The following CA10 variants were observed in gnomAD, a reference collection of about 807,000 sequenced individuals.
The protein encoded by CA10 is carbonic anhydrase 10 (inactive).
Under a neutral mutation model 44.2 loss-of-function variants are expected in CA10, and 14 were observed. That is an observed-to-expected ratio of 0.32 (90% CI 0.21 to 0.50). CA10 has a LOEUF of 0.50. Among genes scored for constraint, CA10 ranks in the 20% least tolerant of loss-of-function variants. The probability of loss-of-function intolerance (pLI) is 0.99; values close to 1 mark genes in which losing one functional copy is unlikely to be tolerated. For missense variants in CA10, 350 were observed against 409.7 expected, an observed-to-expected ratio of 0.85 and a Z score of 1.26; for synonymous variants, 159 against 141.6, an observed-to-expected ratio of 1.12 and a Z score of -0.87.
chr17:51,742,022 T>G (rs1904481922), intron 4 of CA10, among the ~76,000 whole-genome samples: 1 of 152,196 alleles, frequency 6.6e-6, no homozygotes, highest in Non-Finnish European at 1.5e-5. Flanking sequence ...AAACCATTCT[T>G]AGCTCCTAGG....
At chr17:51,775,003 C>T (rs866990523) in intron 3 of CA10, among the ~76,000 whole-genome samples, 2 of 152,088 alleles carry the variant, frequency 1.3e-5, no homozygotes, top group South Asian at 4.2e-4. Flanking sequence ...AGCAGGTTCC[C>T]AGGCCTTGGG....
intron 4 of CA10, among the ~76,000 whole-genome samples, chr17:51,664,078 A>G (rs1013535094): frequency 3.3e-5 from 5 of 152,200 alleles, no homozygotes; most frequent in African/African-American, 1.2e-4. Flanking sequence ...TTTTTGTTAA[A>G]TATTAAGTCA....
chr17:51,801,741 G>GTA (rs1906941544), intron 3 of CA10, among the ~76,000 whole-genome samples: 2 of 152,134 alleles, frequency 1.3e-5, no homozygotes, highest in South Asian at 4.1e-4. Context: ...TTATAGTGCA[G>GTA]TAAGAAGAAG....
At chr17:52,086,675 C>A (rs894222734) in intron 1 of CA10, among the ~76,000 whole-genome samples, 1 of 152,296 alleles carries the variant, frequency 6.6e-6, no homozygotes, top group Middle Eastern at 3.4e-3. Context: ...GTTTTCCACT[C>A]CCTTAAAATG....
At chr17:52,009,659 A>G (rs1038153838) in intron 2 of CA10, among the ~76,000 whole-genome samples, 8 of 152,090 alleles carry the variant, frequency 5.3e-5, no homozygotes, top group South Asian at 4.1e-4. Context: ...TATAATTCTG[A>G]GATGTTTAAT....
chr17:51,736,355 A>C (rs1598018021), intron 4 of CA10, among the ~76,000 whole-genome samples: 2 of 152,200 alleles, frequency 1.3e-5, no homozygotes, highest in African/African-American at 4.8e-5. Context: ...CTTGACCCCC[A>C]CAGAGGACTT....
At chr17:51,865,932 C>T (rs1205602264) in intron 3 of CA10, among the ~76,000 whole-genome samples, 1 of 152,308 alleles carries the variant, frequency 6.6e-6, no homozygotes, top group South Asian at 2.1e-4. Flanking sequence ...CCATGCACCC[C>T]TTTGCACCAT....
At chr17:52,025,161 T>C (rs1986262146) in intron 2 of CA10, among the ~76,000 whole-genome samples, 1 of 152,076 alleles carries the variant, frequency 6.6e-6, no homozygotes, top group Non-Finnish European at 1.5e-5. Context: ...AAGTCTGATA[T>C]TTACTGCTTT....
chr17:51,829,319 C>A (rs1311952339), intron 3 of CA10, among the ~76,000 whole-genome samples: 2 of 152,118 alleles, frequency 1.3e-5, no homozygotes, highest in South Asian at 4.1e-4. Flanking sequence ...TTACCAAGTC[C>A]GTAGCTTTGG....
At position 51,862,064 on chromosome 17, in the gene CA10, A is replaced by AGCCAC. The variant is rs768629361; in HGVS notation, c.279+68921_279+68925dup. On this transcript the variant is annotated intron_variant, in intron 3 of 8. Coordinates refer to ENST00000451037, the MANE Select transcript of CA10 (RefSeq NM_020178.5). ...TCTTACAGATAGAACCAGATACAAC[A>AGCCAC]GCCACCCTCTTGCTAATGCCATTAA... Among the ~76,000 whole-genome samples, 19 of 152,322 alleles carry AGCCAC rather than the reference A, an allele frequency of 1.2e-4. No homozygotes were observed. In the Middle Eastern group the frequency reaches 0.01, roughly 82 times the overall value.
chr17:52,105,527 C>T (rs917832257), intron 1 of CA10, among the ~76,000 whole-genome samples: 2 of 152,134 alleles, frequency 1.3e-5, no homozygotes, highest in African/African-American at 4.8e-5. Context: ...AGTGCGTGAG[C>T]CACCACACCT....
chr17:52,043,089 T>C (rs1336013233), intron 2 of CA10, among the ~76,000 whole-genome samples: 1 of 152,052 alleles, frequency 6.6e-6, no homozygotes, highest in Non-Finnish European at 1.5e-5. Context: ...CTGTTTGTGG[T>C]TGTATGTGAA....
chr17:51,668,541 T>G (rs1914289626), intron 4 of CA10, among the ~76,000 whole-genome samples: 1 of 152,206 alleles, frequency 6.6e-6, no homozygotes. Flanking sequence ...AAACACAGTC[T>G]AATTTCGATC....
At chr17:51,974,601 C>T (rs1167433949) in intron 2 of CA10, among the ~76,000 whole-genome samples, 1 of 151,492 alleles carries the variant, frequency 6.6e-6, no homozygotes, top group Non-Finnish European at 1.5e-5. Context: ...AATTGAAATG[C>T]TAGAAGGAGA....
chr17:51,742,010 G>A (rs1473487712), intron 4 of CA10, among the ~76,000 whole-genome samples: 1 of 152,194 alleles, frequency 6.6e-6, no homozygotes, highest in Non-Finnish European at 1.5e-5. Context: ...CTTTAAAAAT[G>A]TAAACCATTC....
intron 1 of CA10, among the ~76,000 whole-genome samples, chr17:52,120,673 C>T (rs1988997297): frequency 6.6e-6 from 1 of 152,144 alleles, no homozygotes; most frequent in African/African-American, 2.4e-5. Context: ...CCTGGGCATG[C>T]CCACAAGGGA....
At chr17:51,887,300 C>T (rs1267008059) in intron 3 of CA10, among the ~76,000 whole-genome samples, 1 of 152,162 alleles carries the variant, frequency 6.6e-6, no homozygotes, top group Non-Finnish European at 1.5e-5. Flanking sequence ...AGAAAGAAGC[C>T]TCTAGGCTGA....
chr17:51,880,948 T>C (rs1036056616), intron 3 of CA10, among the ~76,000 whole-genome samples: 1 of 27,654 alleles, frequency 3.6e-5, no homozygotes, highest in Admixed American at 5.2e-4. Flanking sequence ...TAGAAAAAAG[T>C]TTTATCGGCC....
At chr17:51,700,573 C>T (rs1237930428) in intron 4 of CA10, among the ~76,000 whole-genome samples, 1 of 152,174 alleles carries the variant, frequency 6.6e-6, no homozygotes, top group Non-Finnish European at 1.5e-5. Flanking sequence ...CCCTCATGGC[C>T]TTCCATCTGC....
Sources: allele counts gnomAD v4.1 joint callset (sites outside exome capture counted in the v4.1 genomes callset), GRCh38; gene constraint gnomAD v4.1.1; transcripts MANE v1.5; gene names NCBI Gene and HGNC (gene_info 2026-07-23, HGNC 2026-07-21).